The following CEP76 variants were observed in gnomAD, a reference collection of about 807,000 sequenced individuals.
The protein encoded by CEP76 is centrosomal protein 76.
A neutral mutation model predicts 83.3 loss-of-function variants in CEP76; 55 were observed. That is an observed-to-expected ratio of 0.66 (90% CI 0.53 to 0.83). The LOEUF is 0.83. Ranked by LOEUF, CEP76 falls within the 40% of genes least tolerant of loss-of-function variation. CEP76 has a pLI of 0.00. For synonymous variants in CEP76, 270 were observed against 274.5 expected, an observed-to-expected ratio of 0.98 and a Z score of 0.16; for missense variants, 694 against 799.5, an observed-to-expected ratio of 0.87 and a Z score of 1.59.
At chr18:12,694,670 C>T (rs558852045) in intron 6 of CEP76, among the ~76,000 whole-genome samples, 91 of 152,008 alleles carry the variant, frequency 6.0e-4, no homozygotes, top group Non-Finnish European at 1.2e-3. Flanking sequence ...TGAGGTTGCA[C>T]TTTACTCTTT....
At position 12,673,363 on chromosome 18, in the gene CEP76, C is replaced by G. The variant is rs1181252044; in HGVS notation, c.*2G>C. The G allele has an allele frequency of 3.8e-6, 6 of 1,598,762 alleles. No homozygotes were observed. The highest frequency in any genetic ancestry group is 5.1e-6 in the Non-Finnish European group (6 of 1,174,920). Reference sequence around the variant, plus strand: ...GGTATAAATCTTATATAAATATTGGCCCTATAATACCGAGCGATATTTACA... The same window carrying G: ...GGTATAAATCTTATATAAATATTGGGCCTATAATACCGAGCGATATTTACA... On this transcript the variant is annotated 3_prime_UTR_variant, in exon 12 of 12. Transcript: ENST00000262127.
At chr18:12,697,169 T>C (rs2039985521) in intron 5 of CEP76, 54 bp downstream of exon 5, 3 of 1,222,078 alleles carry the variant, frequency 2.5e-6, no homozygotes, top group Admixed American at 2.3e-5. Context: ...AAAATATATT[T>C]ACAAATGAAC....
chr18:12,672,756 T>G lies in CEP76; in HGVS notation c.*609A>C. On this transcript the variant is annotated 3_prime_UTR_variant, in exon 12 of 12. Coordinates refer to ENST00000262127, the MANE Select transcript of CEP76 (RefSeq NM_024899.4). ...ATATTTCTAAATGATTCATGTACTT[T>G]CATATGAGGTTATTAATATTTATGC... The G allele has an allele frequency of 1.0e-6, 1 of 975,266 alleles. No homozygotes were observed. Among genetic ancestry groups the G allele is most frequent in the Non-Finnish European group, 1.2e-6 (1 of 820,574 alleles). The allele number at this position is 975,266 out of a possible 1,614,324, so 60.4% of individuals were successfully genotyped here.
At chr18:12,680,307 T>C (rs1224100815) in intron 9 of CEP76, among the ~76,000 whole-genome samples, 1 of 152,044 alleles carries the variant, frequency 6.6e-6, no homozygotes, top group African/African-American at 2.4e-5. Context: ...AAAATACTTA[T>C]AACTTAAGCC....
intron 7 of CEP76, among the ~76,000 whole-genome samples, chr18:12,687,286 C>T (rs1003789014): frequency 1.3e-5 from 2 of 152,054 alleles, no homozygotes; most frequent in Non-Finnish European, 2.9e-5. Flanking sequence ...TGTCTTTCTC[C>T]ACAACCAGAA....
At chr18:12,683,112 G>A (rs150587515) in intron 8 of CEP76, among the ~76,000 whole-genome samples, 1 of 149,254 alleles carries the variant, frequency 6.7e-6, no homozygotes, top group African/African-American at 2.5e-5. Context: ...TTGGGAGGCT[G>A]AAGCGGGCAG....
In CEP76 at chr18:12,676,554, C is replaced by T. The variant is rs138743770; in HGVS notation, c.1623+1555G>A. Reference sequence around the variant, plus strand: ...CCTCCCAAACTGCTGGGATTACAGGCGTGAGACACTGTGCCTGGCCAAAAG... The same window carrying T: ...CCTCCCAAACTGCTGGGATTACAGGTGTGAGACACTGTGCCTGGCCAAAAG... On this transcript the variant is annotated intron_variant, in intron 10 of 11. Transcript: ENST00000262127. 3.0e-3 allele frequency among the ~76,000 whole-genome samples: 449 copies of T among 152,020 alleles called. 1 individual carries two copies. The highest frequency in any genetic ancestry group is 4.4e-3 in the Non-Finnish European group (300 of 67,982).
chr18:12,691,560 A>G, intron 6 of CEP76, 73 bp from the exon 7 acceptor site: 1 of 1,134,784 alleles, frequency 8.8e-7, no homozygotes, highest in Non-Finnish European at 1.3e-6. Context: ...TAGCAAATTT[A>G]TCTACTTCTC....
chr18:12,690,130 T>C (rs976046839), intron 7 of CEP76, among the ~76,000 whole-genome samples: 2 of 152,138 alleles, frequency 1.3e-5, no homozygotes, highest in Non-Finnish European at 2.9e-5. Context: ...CTTGCCTTTG[T>C]CCTGATAATG....
At chr18:12,693,509 G>A (rs945549494) in intron 6 of CEP76, among the ~76,000 whole-genome samples, 3 of 152,096 alleles carry the variant, frequency 2.0e-5, no homozygotes, top group African/African-American at 7.2e-5. Context: ...ATAAATATAT[G>A]AATAACATGA....
intron 11 of CEP76, 92 bp downstream of exon 11, chr18:12,674,444 A>G: frequency 2.3e-6 from 1 of 442,014 alleles, no homozygotes; most frequent in Non-Finnish European, 3.5e-6. Context: ...CTTGAGTTAA[A>G]AAAAAAAAAA....
At chr18:12,686,503 T>C (rs1275956058) in intron 7 of CEP76, 53 bp from the exon 8 acceptor site, 6 of 1,325,936 alleles carry the variant, frequency 4.5e-6, no homozygotes, top group African/African-American at 1.5e-5. Flanking sequence ...TCCCCAATTA[T>C]GTTTTTTTCA....
chr18:12,688,853 G>A (rs549621998), intron 7 of CEP76, among the ~76,000 whole-genome samples: 71 of 152,258 alleles, frequency 4.7e-4, no homozygotes, highest in Admixed American at 1.4e-3. Context: ...GGTGGCTCAC[G>A]CCTATGATCC....
downstream of CEP76, among the ~76,000 whole-genome samples, chr18:12,669,222 C>G (rs192744192): frequency 6.6e-6 from 1 of 151,658 alleles, no homozygotes; most frequent in African/African-American, 2.4e-5. Context: ...AAGCGATTCT[C>G]CTGTCTCAGC....
chr18:12,700,029 C>T (rs920001303), intron 2 of CEP76, 124 bp from the exon 3 acceptor site: 2 of 482,856 alleles, frequency 4.1e-6, no homozygotes, highest in Non-Finnish European at 7.3e-6. Flanking sequence ...CAAAGAACCC[C>T]TTATTTTCCT....
At chr18:12,668,597 CAAAAAAAAAAAAAAAAAAAAAA>C (rs752216074), downstream of CEP76, among the ~76,000 whole-genome samples, 1 of 72,836 alleles carries the variant, frequency 1.4e-5, no homozygotes, top group South Asian at 7.6e-4. Flanking sequence ...GATTCCATCT[CAAAAAAAAAAAAAAAAAAAAAA>C]AAAAAAAAAA....
Position 12,697,321 on chromosome 18 carries a change from C to A in CEP76, c.608G>T (p.Gly203Val). 1 of 1,613,952 alleles carries A rather than the reference C, an allele frequency of 6.2e-7. No homozygotes were observed. Among genetic ancestry groups the A allele is most frequent in the South Asian group, 1.1e-5 (1 of 91,072 alleles). ...HMVLIKTDIF[G>V]ETTLVASYFL... ...ATATGATGCTACTAAAGTCGTCTCA[C>A]CAAATATGTCTGTTTTGATTAGCAC... The change falls in exon 5 of 12, where the codon GGT (glycine) becomes GTT (valine). Residue 203 changes from glycine to valine, a missense_variant. Physicochemically the swap from Gly to Val is moderately radical, Grantham distance 109. Transcript: ENST00000262127.
intron 7 of CEP76, among the ~76,000 whole-genome samples, chr18:12,688,228 C>CAAAAAA (rs11337170): frequency 1.9e-4 from 18 of 94,008 alleles, no homozygotes; most frequent in Non-Finnish European, 2.2e-4. Context: ...GACTCCATCT[C>CAAAAAA]AAAAAAAAAA....
Position 12,673,415 on chromosome 18 carries a change from C to T in CEP76, c.1930G>A (p.Ala644Thr). ...RVRVFTYPES[A>T]CAVWIMFACK... ...GCAAACATGATCCAAACAGCACATGCAGATTCAGGGTAAGTAAATACTCGG... is the reference window on the plus strand; with the variant it reads ...GCAAACATGATCCAAACAGCACATGTAGATTCAGGGTAAGTAAATACTCGG... Residue 644 changes from alanine to threonine, a missense_variant, in exon 12 of 12, where the codon GCA becomes ACA. Coordinates refer to ENST00000262127, the MANE Select transcript of CEP76 (RefSeq NM_024899.4). 6.2e-7 allele frequency: 1 copy of T among 1,606,592 alleles called. No individual in the cohort carries two copies. Among genetic ancestry groups the T allele is most frequent in the Non-Finnish European group, 8.5e-7 (1 of 1,177,552 alleles).
Sources: gnomAD v4.1 joint callset for allele counts (sites outside exome capture counted in the v4.1 genomes callset) on GRCh38, gnomAD v4.1.1 for gene constraint, MANE v1.5 for transcripts, NCBI Gene and HGNC (gene_info 2026-07-23, HGNC 2026-07-21) for gene names.